FRMPD4: variants seen among roughly 807,000 people sequenced by gnomAD.
FRMPD4 encodes FERM and PDZ domain containing 4, also known as FERM and PDZ domain-containing protein 4.
Under a neutral mutation model 94.1 loss-of-function variants are expected in FRMPD4, and 22 were observed. The ratio of observed to expected loss-of-function variants is 0.23; its 90% confidence interval spans 0.17 to 0.33. The LOEUF is 0.33. Ranked by LOEUF, FRMPD4 falls within the 10% of genes least tolerant of loss-of-function variation. The probability of loss-of-function intolerance (pLI) is 1.00; values close to 1 mark genes in which losing one functional copy is unlikely to be tolerated. For missense variants in FRMPD4, 1,111 were observed against 1,339.9 expected, an observed-to-expected ratio of 0.83 and a Z score of 2.67; for synonymous variants, 631 against 548.6, an observed-to-expected ratio of 1.15 and a Z score of -2.10.
chrX:12,407,503 C>T (rs939944144), intron 1 of FRMPD4, among the ~76,000 whole-genome samples: 1 of 111,751 alleles, frequency 8.9e-6, no homozygotes, highest in Non-Finnish European at 1.9e-5. Context: ...TAACACCTCC[C>T]TAGTAGGGTG....
chrX:12,674,210 G>A (rs1157129385), intron 4 of FRMPD4, among the ~76,000 whole-genome samples: 2 of 111,896 alleles, frequency 1.8e-5, no homozygotes, highest in South Asian at 3.8e-4. Flanking sequence ...CATGAAGTGC[G>A]GCCTATTGTG....
intron 2 of FRMPD4, among the ~76,000 whole-genome samples, chrX:12,541,896 T>A (rs1464396206): frequency 3.8e-4 from 43 of 111,888 alleles, no homozygotes; most frequent in Middle Eastern, 4.6e-3. Context: ...TCCACCATGA[T>A]CAAGGGGACT....
intron 4 of FRMPD4, among the ~76,000 whole-genome samples, chrX:12,663,260 G>A (rs1416851527): frequency 8.9e-6 from 1 of 112,254 alleles, no homozygotes; most frequent in African/African-American, 3.2e-5. Context: ...TTTTAGCCAT[G>A]CAGTCTTTCC....
intron 3 of FRMPD4, among the ~76,000 whole-genome samples, chrX:11,897,070 A>G (rs895817798): frequency 1.9e-5 from 2 of 107,101 alleles, no homozygotes; most frequent in African/African-American, 3.4e-5. Context: ...CATTCACCTC[A>G]CTCTGCTTTC....
chrX:12,585,913 A>G (rs1048089751), intron 2 of FRMPD4, among the ~76,000 whole-genome samples: 6 of 112,844 alleles, frequency 5.3e-5, no homozygotes, highest in African/African-American at 1.9e-4. Context: ...TGGGAATAAT[A>G]TATCTAAATC....
At chrX:12,635,169 T>A (rs906967672) in intron 4 of FRMPD4, among the ~76,000 whole-genome samples, 2 of 111,766 alleles carry the variant, frequency 1.8e-5, no homozygotes, top group African/African-American at 6.5e-5. Flanking sequence ...ATATACAGTA[T>A]GTCTTAAAAG....
At chrX:12,703,602 G>C (rs141603406) in intron 10 of FRMPD4, among the ~76,000 whole-genome samples, 34 of 112,153 alleles carry the variant, frequency 3.0e-4, no homozygotes, top group African/African-American at 1.1e-3. Flanking sequence ...TCTACTCCAG[G>C]ATAGATTTCC....
chrX:12,219,383 A>G (rs1203832700), intron 1 of FRMPD4, among the ~76,000 whole-genome samples: 1 of 111,552 alleles, frequency 9.0e-6, no homozygotes, highest in Non-Finnish European at 1.9e-5. Flanking sequence ...AGACAAAGAA[A>G]AGATTATATA....
intron 3 of FRMPD4, among the ~76,000 whole-genome samples, chrX:11,956,681 T>C (rs982333582): frequency 1.8e-5 from 2 of 112,565 alleles, no homozygotes. Flanking sequence ...CAGTTGTAAA[T>C]AGCATCTTTT....
At chrX:11,951,303 A>G (rs1310393048) in intron 3 of FRMPD4, among the ~76,000 whole-genome samples, 2 of 111,143 alleles carry the variant, frequency 1.8e-5, no homozygotes, top group Non-Finnish European at 3.8e-5. Context: ...TATGTTCGTC[A>G]CAGCACTATT....
intron 1 of FRMPD4, 23 bp downstream of exon 1, chrX:12,139,035 T>C: frequency 9.0e-7 from 1 of 1,116,859 alleles, no homozygotes; most frequent in South Asian, 2.4e-5. Context: ...CGGGTTCCGT[T>C]TGCACCCAGG....
At chrX:12,298,613 A>G (rs2054809701) in intron 1 of FRMPD4, among the ~76,000 whole-genome samples, 1 of 112,234 alleles carries the variant, frequency 8.9e-6, no homozygotes, top group Non-Finnish European at 1.9e-5. Context: ...AGTCCTCCAA[A>G]AACCATTCTC....
chrX:11,958,979 T>C (rs2054270341), intron 3 of FRMPD4, among the ~76,000 whole-genome samples: 1 of 111,839 alleles, frequency 8.9e-6, no homozygotes, highest in Non-Finnish European at 1.9e-5. Context: ...CTGAGTTTTA[T>C]TAAATCATGA....
chrX:12,428,170 C>A (rs1456794388), intron 1 of FRMPD4, among the ~76,000 whole-genome samples: 1 of 110,035 alleles, frequency 9.1e-6, no homozygotes, highest in East Asian at 2.8e-4. Flanking sequence ...CTCGGCCTCC[C>A]CATTTTTCCA....
intron 2 of FRMPD4, among the ~76,000 whole-genome samples, chrX:12,573,955 T>C (rs2058783920): frequency 8.9e-6 from 1 of 112,676 alleles, no homozygotes; most frequent in South Asian, 3.6e-4. Context: ...TTTTGGAACA[T>C]ATATTTTATA....
At chrX:12,552,360 C>T (rs1295825436) in intron 2 of FRMPD4, among the ~76,000 whole-genome samples, 1 of 111,298 alleles carries the variant, frequency 9.0e-6, no homozygotes. Flanking sequence ...TTTATATAAC[C>T]TCATTGATCT....
chrX:11,875,751 T>TA (rs1336493527), intron 2 of FRMPD4, among the ~76,000 whole-genome samples: 6 of 110,657 alleles, frequency 5.4e-5, no homozygotes, highest in Middle Eastern at 4.6e-3. Context: ...TAGGAAAGCA[T>TA]AAACCTCTGT....
At chrX:12,562,417 A>T (rs971316999) in intron 2 of FRMPD4, among the ~76,000 whole-genome samples, 5 of 112,037 alleles carry the variant, frequency 4.5e-5, no homozygotes, top group Non-Finnish European at 7.5e-5. Flanking sequence ...CCTGTCATTT[A>T]TGGCCTATTT....
chrX:11,852,981 T>G (rs2053633698), intron 1 of FRMPD4, among the ~76,000 whole-genome samples: 1 of 112,360 alleles, frequency 8.9e-6, no homozygotes, highest in Admixed American at 9.4e-5. Context: ...GTACTTATTC[T>G]AAAATTGATC....
Sources: gnomAD v4.1 joint callset for allele counts (sites outside exome capture counted in the v4.1 genomes callset) on GRCh38, gnomAD v4.1.1 for gene constraint, MANE v1.5 for transcripts, NCBI Gene and HGNC (gene_info 2026-07-23, HGNC 2026-07-21) for gene names.